The following NCMAP variants were observed in gnomAD, a reference collection of about 807,000 sequenced individuals.
The protein encoded by NCMAP is non-compact myelin associated protein, also known as noncompact myelin-associated protein.
In NCMAP, 8 loss-of-function variants were observed where a neutral mutation model predicts 7.8. The observed-to-expected ratio is 1.02, with a 90% CI of 0.60 to 1.84. The LOEUF is 1.84. Ranked by LOEUF, NCMAP falls within the 40% of genes most tolerant of loss-of-function variation. NCMAP has a pLI of 0.00. For synonymous variants in NCMAP, 41 were observed against 52.9 expected (o/e 0.78, Z 0.98); for missense variants, 112 against 131.4 (o/e 0.85, Z 0.72).
In NCMAP at chr1:24,595,452, G is replaced by A; in HGVS notation, c.22G>A (p.Gly8Arg). 2 of 1,613,908 alleles carry A rather than the reference G, an allele frequency of 1.2e-6. No individual in the cohort carries two copies. The change falls in exon 2 of 4, where the codon GGG (glycine) becomes AGG (arginine). Residue 8 changes from glycine (G) to arginine (R), a missense_variant. Coordinates refer to ENST00000374392, the MANE Select transcript of NCMAP (RefSeq NM_001010980.5). MTTATPL[G>R]DTTFFSLNMT... is the part of the protein sequence containing the mutation. ...CGAGATGACCACAGCCACCCCTCTG[G>A]GGGATACCACCTTCTTCTCACTGAA...
At chr1:24,570,125 T>G (rs555178453) in intron 1 of NCMAP, among the ~76,000 whole-genome samples, 4 of 149,740 alleles carry the variant, frequency 2.7e-5, no homozygotes, top group East Asian at 3.9e-4. Context: ...TTTTTTTTTT[T>G]TGTGGAGACG....
chr1:24,589,494 C>T (rs551071910), intron 1 of NCMAP: 2 of 152,270 alleles, frequency 1.3e-5, no homozygotes, highest in East Asian at 3.8e-4. Context: ...CCTCACTGTT[C>T]TCTGAGAGAG....
At chr1:24,604,873 G>C (rs146379113) in intron 3 of NCMAP, among the ~76,000 whole-genome samples, 2,345 of 150,940 alleles carry the variant, frequency 0.016, 21 homozygotes, top group Non-Finnish European at 0.025. Flanking sequence ...ACAGCACTTT[G>C]GGAGGCCGAA....
chr1:24,559,640 C>T (rs1249624954), intron 1 of NCMAP, among the ~76,000 whole-genome samples: 1 of 152,180 alleles, frequency 6.6e-6, no homozygotes, highest in Non-Finnish European at 1.5e-5. Flanking sequence ...AGGCCTTCTC[C>T]GAAGGGCCTC....
chr1:24,577,883 G>C (rs555879428), intron 1 of NCMAP, among the ~76,000 whole-genome samples: 1 of 152,058 alleles, frequency 6.6e-6, no homozygotes, highest in Non-Finnish European at 1.5e-5. Flanking sequence ...GTCGCCTCCC[G>C]GCCATGGCTC....
At chr1:24,579,832 G>A (rs866159465) in intron 1 of NCMAP, among the ~76,000 whole-genome samples, 10 of 152,314 alleles carry the variant, frequency 6.6e-5, no homozygotes, top group Middle Eastern at 3.4e-3. Flanking sequence ...GACAGAACCT[G>A]GCCATTGTAT....
At chr1:24,586,555 GT>G (rs1651889134) in intron 1 of NCMAP, among the ~76,000 whole-genome samples, 1 of 152,204 alleles carries the variant, frequency 6.6e-6, no homozygotes, top group Non-Finnish European at 1.5e-5. Flanking sequence ...AAGGTCAGGA[GT>G]TCAAGACCAG....
intron 2 of NCMAP, among the ~76,000 whole-genome samples, chr1:24,599,775 C>A (rs61624893): frequency 0.28 from 37,397 of 133,360 alleles, 5,698 homozygotes; most frequent in Middle Eastern, 0.48. Flanking sequence ...ACAGGGTTTC[C>A]CCATGTTGGT....
chr1:24,597,613 GAAAGAGAAAGAAAGAA>G (rs1224971833), intron 2 of NCMAP, among the ~76,000 whole-genome samples: 19 of 81,210 alleles, frequency 2.3e-4, no homozygotes, highest in African/African-American at 1.0e-3. Flanking sequence ...AAGAAAGAAA[GAAAGAGAAAGAAAGAA>G]AGAAAGAAAG....
At chr1:24,597,539 G>A (rs1369547587) in intron 2 of NCMAP, among the ~76,000 whole-genome samples, 3 of 77,164 alleles carry the variant, frequency 3.9e-5, no homozygotes, top group African/African-American at 1.7e-4. Context: ...GGAGGGGGAG[G>A]GGGAGGGGGA....
chr1:24,558,344 G>A (rs1246534913), intron 1 of NCMAP, among the ~76,000 whole-genome samples: 4 of 152,186 alleles, frequency 2.6e-5, no homozygotes, highest in Non-Finnish European at 4.4e-5. Flanking sequence ...CACAGGAGGG[G>A]CTCAAGGAAT....
At chr1:24,558,630 AC>A (rs1022359962) in intron 1 of NCMAP, among the ~76,000 whole-genome samples, 5 of 150,930 alleles carry the variant, frequency 3.3e-5, no homozygotes, top group African/African-American at 1.2e-4. Context: ...GTCCAAGCTG[AC>A]CCCCCCTCAT....
chr1:24,597,830 T>C (rs1208194385), intron 2 of NCMAP, among the ~76,000 whole-genome samples: 1 of 152,210 alleles, frequency 6.6e-6, no homozygotes, highest in Non-Finnish European at 1.5e-5. Context: ...CCTTATTTAG[T>C]ATGTGTCATA....
chr1:24,598,630 C>CTT (rs57179814), intron 2 of NCMAP, among the ~76,000 whole-genome samples: 2 of 148,352 alleles, frequency 1.3e-5, no homozygotes, highest in Non-Finnish European at 3.0e-5. Context: ...TCTTTTCTTT[C>CTT]TTTTTTTTTT....
chr1:24,581,113 T>A (rs1651729948), intron 1 of NCMAP, among the ~76,000 whole-genome samples: 1 of 148,176 alleles, frequency 6.7e-6, no homozygotes, highest in Non-Finnish European at 1.5e-5. Flanking sequence ...CAGCCAGAAG[T>A]CCTTTCTGCT....
intron 1 of NCMAP, among the ~76,000 whole-genome samples, chr1:24,584,395 C>A: frequency 6.6e-6 from 1 of 152,246 alleles, no homozygotes; most frequent in Non-Finnish European, 1.5e-5. Context: ...GCTGGGGTTT[C>A]TATTTATAAC....
intron 1 of NCMAP, among the ~76,000 whole-genome samples, chr1:24,556,583 A>G (rs1650902636): frequency 6.6e-6 from 1 of 152,170 alleles, no homozygotes; most frequent in Non-Finnish European, 1.5e-5. Flanking sequence ...GGTCTGCCCT[A>G]TGCAGAGGCC....
chr1:24,579,927 A>AT (rs1227814043), intron 1 of NCMAP, among the ~76,000 whole-genome samples: 1 of 152,058 alleles, frequency 6.6e-6, no homozygotes, highest in East Asian at 1.9e-4. Flanking sequence ...TGACATTCCC[A>AT]TTTTCAGCCA....
chr1:24,591,321 A>G (rs1423183549), intron 1 of NCMAP, among the ~76,000 whole-genome samples: 2 of 152,196 alleles, frequency 1.3e-5, no homozygotes, highest in Non-Finnish European at 2.9e-5. Flanking sequence ...GCTGGAGTGC[A>G]GTGGCGCAAT....
Sources: gnomAD v4.1 joint callset for allele counts (sites outside exome capture counted in the v4.1 genomes callset) on GRCh38, gnomAD v4.1.1 for gene constraint, MANE v1.5 for transcripts, NCBI Gene and HGNC (gene_info 2026-07-23, HGNC 2026-07-21) for gene names.